Variants in ST6GALNAC3 observed in about 807,000 individuals in gnomAD.
The protein encoded by ST6GALNAC3 is ST6 N-acetylgalactosaminide alpha-2,6-sialyltransferase 3.
Under a neutral mutation model 32.7 loss-of-function variants are expected in ST6GALNAC3, and 25 were observed. The observed-to-expected ratio is 0.76, with a 90% CI of 0.56 to 1.07. The LOEUF (loss-of-function observed/expected upper bound fraction) is 1.07, where lower values mean the gene tolerates loss of function less well. Among genes scored for constraint, ST6GALNAC3 ranks in the 50% least tolerant of loss-of-function variants. The pLI is 0.00. For synonymous variants in ST6GALNAC3, 129 were observed against 133.1 expected (o/e 0.97, Z 0.21); for missense variants, 355 against 382.4 (o/e 0.93, Z 0.60).
intron 3 of ST6GALNAC3, among the ~76,000 whole-genome samples, chr1:76,458,799 G>GA: frequency 6.6e-6 from 1 of 151,450 alleles, no homozygotes; most frequent in South Asian, 2.1e-4. Flanking sequence ...ATGAGTTAGT[G>GA]AGTGCAGCGC....
intron 2 of ST6GALNAC3, among the ~76,000 whole-genome samples, chr1:76,395,873 T>C (rs1192849060): frequency 6.6e-6 from 1 of 152,158 alleles, no homozygotes; most frequent in African/African-American, 2.4e-5. Context: ...AATACACCAT[T>C]AGAAGGAATA....
chr1:76,563,592 A>G (rs1665374913), intron 3 of ST6GALNAC3, among the ~76,000 whole-genome samples: 1 of 152,214 alleles, frequency 6.6e-6, no homozygotes, highest in Admixed American at 6.5e-5. Flanking sequence ...TAGAAATAAA[A>G]ACAACAATAA....
At chr1:76,613,832 T>C (rs1261636313) in intron 3 of ST6GALNAC3, among the ~76,000 whole-genome samples, 1 of 152,246 alleles carries the variant, frequency 6.6e-6, no homozygotes, top group Non-Finnish European at 1.5e-5. Flanking sequence ...ATGAGCCAAC[T>C]AAACCTCTTT....
chr1:76,174,961 C>T (rs1023042176), intron 1 of ST6GALNAC3, among the ~76,000 whole-genome samples: 1 of 152,186 alleles, frequency 6.6e-6, no homozygotes, highest in Non-Finnish European at 1.5e-5. Flanking sequence ...ACCAACTGCA[C>T]TCAGCCCAAT....
At chr1:76,129,240 C>T (rs1044022223) in intron 1 of ST6GALNAC3, among the ~76,000 whole-genome samples, 2 of 152,164 alleles carry the variant, frequency 1.3e-5, no homozygotes, top group African/African-American at 4.8e-5. Context: ...GGCAGCATAA[C>T]TTCCAAGTTA....
At chr1:76,603,927 C>A (rs1442806747) in intron 3 of ST6GALNAC3, among the ~76,000 whole-genome samples, 2 of 151,982 alleles carry the variant, frequency 1.3e-5, no homozygotes, top group East Asian at 3.9e-4. Context: ...AAATGCAAAT[C>A]AAGGCAAAAA....
chr1:76,156,950 C>T (rs1451815910), intron 1 of ST6GALNAC3, among the ~76,000 whole-genome samples: 1 of 152,178 alleles, frequency 6.6e-6, no homozygotes, highest in Non-Finnish European at 1.5e-5. Context: ...CCAGGATGGT[C>T]TCAATCTTCT....
In ST6GALNAC3 at chr1:76,569,964, C is replaced by T. The variant is rs181132802; in HGVS notation, c.624-57488C>T. 6.7e-4 allele frequency among the ~76,000 whole-genome samples: 102 copies of T among 152,194 alleles called. 2 individuals are homozygous for T. The East Asian group carries it at 0.014, about 20-fold the overall frequency. The stretch of plus-strand genomic sequence containing the variant: ...ATTTTTCTCTTCAAAAATCAAATTA[C>T]GTGACATCTCATCCATGTCAAGGCA... On this transcript the variant is annotated intron_variant, in intron 3 of 4. Transcript: ENST00000328299.
At chr1:76,249,996 A>G (rs12082216) in intron 1 of ST6GALNAC3, among the ~76,000 whole-genome samples, 9,969 of 152,186 alleles carry the variant, frequency 0.066, 799 homozygotes, top group African/African-American at 0.2. Flanking sequence ...ATATTCTGTA[A>G]TATAAGTTCC....
intron 1 of ST6GALNAC3, among the ~76,000 whole-genome samples, chr1:76,257,704 C>G (rs997512176): frequency 1.3e-5 from 2 of 152,024 alleles, no homozygotes; most frequent in Non-Finnish European, 2.9e-5. Flanking sequence ...ACCCACTGTT[C>G]ACTAATGAAA....
intron 3 of ST6GALNAC3, among the ~76,000 whole-genome samples, chr1:76,526,275 A>G (rs1662906541): frequency 6.6e-6 from 1 of 152,022 alleles, no homozygotes. Flanking sequence ...ACCATTTATC[A>G]AACAGTGACC....
chr1:76,239,811 A>G (rs552807988), intron 1 of ST6GALNAC3, among the ~76,000 whole-genome samples: 180 of 152,302 alleles, frequency 1.2e-3, no homozygotes, highest in African/African-American at 4.3e-3. Flanking sequence ...TCCAACCACA[A>G]CTTTGTTATG....
At chr1:76,490,033 C>T (rs1426567839) in intron 3 of ST6GALNAC3, among the ~76,000 whole-genome samples, 1 of 152,150 alleles carries the variant, frequency 6.6e-6, no homozygotes, top group East Asian at 1.9e-4. Flanking sequence ...CTGTCTCACT[C>T]ACATGGCCCT....
intron 1 of ST6GALNAC3, among the ~76,000 whole-genome samples, chr1:76,252,734 T>G (rs1372717705): frequency 6.6e-6 from 1 of 152,184 alleles, no homozygotes; most frequent in Non-Finnish European, 1.5e-5. Flanking sequence ...TGAGAAATGC[T>G]GTTATTACAT....
intron 1 of ST6GALNAC3, among the ~76,000 whole-genome samples, chr1:76,243,400 T>C (rs1427098416): frequency 6.6e-6 from 1 of 152,154 alleles, no homozygotes; most frequent in Non-Finnish European, 1.5e-5. Context: ...CCATTCTGTA[T>C]GTTGCCTGTT....
At chr1:76,223,463 T>C (rs1436609513) in intron 1 of ST6GALNAC3, among the ~76,000 whole-genome samples, 1 of 152,116 alleles carries the variant, frequency 6.6e-6, no homozygotes, top group Non-Finnish European at 1.5e-5. Flanking sequence ...ATTACTGTGC[T>C]TATTACCTGG....
chr1:76,557,137 C>T (rs1402369293), intron 3 of ST6GALNAC3, among the ~76,000 whole-genome samples: 2 of 151,940 alleles, frequency 1.3e-5, no homozygotes, highest in East Asian at 1.9e-4. Flanking sequence ...ACCCCCTCCC[C>T]GACCCTCACC....
At chr1:76,473,514 CT>C (rs1408569147) in intron 3 of ST6GALNAC3, among the ~76,000 whole-genome samples, 1 of 152,098 alleles carries the variant, frequency 6.6e-6, no homozygotes, top group Non-Finnish European at 1.5e-5. Flanking sequence ...ATTAAATTAT[CT>C]TCTGTTTCCT....
chr1:76,145,902 T>C (rs1359204734), intron 1 of ST6GALNAC3, among the ~76,000 whole-genome samples: 1 of 152,240 alleles, frequency 6.6e-6, no homozygotes, highest in Non-Finnish European at 1.5e-5. Flanking sequence ...AAGTGATTAA[T>C]TTAAAAATTT....
Sources: gnomAD v4.1 joint callset for allele counts (sites outside exome capture counted in the v4.1 genomes callset) on GRCh38, gnomAD v4.1.1 for gene constraint, MANE v1.5 for transcripts, NCBI Gene and HGNC (gene_info 2026-07-23, HGNC 2026-07-21) for gene names.